ASTN2: variants seen among roughly 807,000 people sequenced by gnomAD.
ASTN2 encodes the protein astrotactin 2, also known as astrotactin-2.
In ASTN2, 54 loss-of-function variants were observed where a neutral mutation model predicts 139.8. The observed-to-expected ratio is 0.39, with a 90% CI of 0.31 to 0.48. ASTN2 has a LOEUF of 0.48. ASTN2 is among the 20% of genes least tolerant of loss of function. ASTN2 has a pLI of 0.95. For missense variants in ASTN2, 1,565 were observed against 1,725.1 expected, an observed-to-expected ratio of 0.91 and a Z score of 1.64; for synonymous variants, 756 against 719.5, an observed-to-expected ratio of 1.05 and a Z score of -0.81.
chr9:116,623,609 G>A (rs1254520929), intron 17 of ASTN2, among the ~76,000 whole-genome samples: 1 of 152,228 alleles, frequency 6.6e-6, no homozygotes, highest in Non-Finnish European at 1.5e-5. Flanking sequence ...AACCTAATCC[G>A]TTTCACAGAT....
At chr9:116,841,369 A>C (rs1832252172) in intron 11 of ASTN2, among the ~76,000 whole-genome samples, 2 of 152,032 alleles carry the variant, frequency 1.3e-5, no homozygotes, top group Non-Finnish European at 2.9e-5. Flanking sequence ...AGACCGTGGA[A>C]AGAGAGGGAG....
chr9:116,841,183 C>T (rs930967949), intron 11 of ASTN2, among the ~76,000 whole-genome samples: 65 of 152,226 alleles, frequency 4.3e-4, no homozygotes, highest in African/African-American at 1.5e-3. Context: ...GAGACCAGCC[C>T]GGCCAACACA....
rs1838459413 is a variant in ASTN2 at position 117,038,497 on chromosome 9, T to C, written c.1423+1322A>G. On this transcript the variant is annotated intron_variant, in intron 6 of 22. Coordinates refer to ENST00000313400, the MANE Select transcript of ASTN2 (RefSeq NM_001365068.1). ...ACATGTCCTTATCACAAAAAAATTATAGTGAGAAGACACTTTTAGAGGTGA... is the reference window on the plus strand; with the variant it reads ...ACATGTCCTTATCACAAAAAAATTACAGTGAGAAGACACTTTTAGAGGTGA... Among the ~76,000 whole-genome samples, 2 of 152,308 alleles carry C rather than the reference T, an allele frequency of 1.3e-5. 1 individual carries two copies. The highest frequency in any genetic ancestry group is 4.1e-4 in the South Asian group (2 of 4,826).
At chr9:117,153,566 G>A (rs867471336) in intron 3 of ASTN2, among the ~76,000 whole-genome samples, 1 of 151,888 alleles carries the variant, frequency 6.6e-6, no homozygotes, top group South Asian at 2.1e-4. Flanking sequence ...ATTTTTCAAG[G>A]GTCATACACA....
rs577533482 is a variant in ASTN2 at position 117,163,842 on chromosome 9, C to T, written c.1016-22364G>A. Among the ~76,000 whole-genome samples the T allele has an allele frequency of 3.9e-5, 6 of 152,196 alleles. No individual in the cohort carries two copies. In the South Asian group the frequency reaches 1.0e-3, roughly 26 times the overall value. On this transcript the variant is annotated intron_variant, in intron 3 of 22. Transcript: ENST00000313400. ...ATTGTAGACTTCCACTCTTGTAACA[C>T]TTTTCATAGGTGCAATGATGTGTGA...
At chr9:117,385,280 G>A (rs1235307281) in intron 1 of ASTN2, among the ~76,000 whole-genome samples, 1 of 152,084 alleles carries the variant, frequency 6.6e-6, no homozygotes, top group Non-Finnish European at 1.5e-5. Flanking sequence ...ATAAACCACT[G>A]TGCCCAGCCA....
chr9:116,745,263 C>T (rs1829204212), intron 13 of ASTN2, among the ~76,000 whole-genome samples: 1 of 152,192 alleles, frequency 6.6e-6, no homozygotes, highest in African/African-American at 2.4e-5. Flanking sequence ...AGTCCTGTTT[C>T]GACTTGTGCA....
At chr9:117,213,693 A>C (rs1832216403) in intron 3 of ASTN2, among the ~76,000 whole-genome samples, 1 of 152,228 alleles carries the variant, frequency 6.6e-6, no homozygotes, top group Non-Finnish European at 1.5e-5. Context: ...AGGAGACAAA[A>C]ATCCCATTTT....
intron 11 of ASTN2, among the ~76,000 whole-genome samples, chr9:116,855,982 G>A (rs572387443): frequency 6.6e-6 from 1 of 152,098 alleles, no homozygotes; most frequent in African/African-American, 2.4e-5. Flanking sequence ...TACTGATCAA[G>A]GTATTCAATA....
chr9:116,865,641 G>A (rs1251455609), intron 10 of ASTN2, among the ~76,000 whole-genome samples: 1 of 151,964 alleles, frequency 6.6e-6, no homozygotes, highest in Non-Finnish European at 1.5e-5. Flanking sequence ...GCTGCTGTCT[G>A]GAATGGGATA....
intron 13 of ASTN2, among the ~76,000 whole-genome samples, chr9:116,758,075 C>A (rs1564251088): frequency 6.6e-6 from 1 of 152,122 alleles, no homozygotes; most frequent in African/African-American, 2.4e-5. Flanking sequence ...CTCCACTGTG[C>A]CTCAGTTTCC....
chr9:116,814,296 T>C (rs949071678), intron 12 of ASTN2, among the ~76,000 whole-genome samples: 2 of 152,074 alleles, frequency 1.3e-5, no homozygotes, highest in Non-Finnish European at 2.9e-5. Context: ...CATGGGAATC[T>C]TTTTCACCAA....
intron 3 of ASTN2, among the ~76,000 whole-genome samples, chr9:117,172,023 C>A (rs1830806444): frequency 6.6e-6 from 1 of 152,046 alleles, no homozygotes; most frequent in Non-Finnish European, 1.5e-5. Flanking sequence ...AAGGCAGACA[C>A]AAAATAACGC....
intron 16 of ASTN2, among the ~76,000 whole-genome samples, chr9:116,723,951 C>T (rs577929289): frequency 3.7e-4 from 27 of 72,996 alleles, no homozygotes; most frequent in African/African-American, 1.5e-3. Flanking sequence ...GCTGTTGTTT[C>T]AGCACTCTTT....
intron 12 of ASTN2, among the ~76,000 whole-genome samples, chr9:116,819,578 C>T (rs983833068): frequency 5.3e-5 from 8 of 152,096 alleles, no homozygotes; most frequent in African/African-American, 7.2e-5. Context: ...GAATTAAACC[C>T]ATGCCCACAC....
chr9:117,375,635 C>T (rs1056833073), intron 1 of ASTN2, among the ~76,000 whole-genome samples: 2 of 152,184 alleles, frequency 1.3e-5, no homozygotes, highest in African/African-American at 4.8e-5. Context: ...AGTACAGAAG[C>T]AGGAGATTCA....
At chr9:116,891,437 T>C (rs1833758887) in intron 10 of ASTN2, among the ~76,000 whole-genome samples, 2 of 152,252 alleles carry the variant, frequency 1.3e-5, no homozygotes, top group South Asian at 4.1e-4. Context: ...GTTTACTATG[T>C]GTCAAGCAGT....
chr9:116,507,585 T>C (rs1227587739), intron 19 of ASTN2, among the ~76,000 whole-genome samples: 4 of 152,184 alleles, frequency 2.6e-5, no homozygotes, highest in African/African-American at 7.2e-5. Context: ...ATTCCCACAG[T>C]CTAGCACCAA....
At chr9:117,154,149 C>T (rs1311575290) in intron 3 of ASTN2, among the ~76,000 whole-genome samples, 2 of 152,012 alleles carry the variant, frequency 1.3e-5, no homozygotes, top group Admixed American at 6.6e-5. Flanking sequence ...AAAATTAATG[C>T]AGCCACATTA....
Sources: gnomAD v4.1 joint callset for allele counts (sites outside exome capture counted in the v4.1 genomes callset) on GRCh38, gnomAD v4.1.1 for gene constraint, MANE v1.5 for transcripts, NCBI Gene and HGNC (gene_info 2026-07-23, HGNC 2026-07-21) for gene names.